Variants in KBTBD11 observed in about 807,000 individuals in gnomAD.
The protein encoded by KBTBD11 is kelch repeat and BTB domain-containing protein 11.
For missense variants in KBTBD11, 1,390 were observed against 1,001.8 expected, an observed-to-expected ratio of 1.39 and a Z score of -5.23; for synonymous variants, 747 against 499.0, an observed-to-expected ratio of 1.50 and a Z score of -6.63.
intron 1 of KBTBD11, chr8:1,974,493 C>T: frequency 1.0e-6 from 1 of 985,086 alleles, no homozygotes; most frequent in Non-Finnish European, 1.2e-6. Context: ...GGGGTCTCTC[C>T]TGGACTCGGG....
rs1426710422 is a variant in KBTBD11, at chr8:2,001,273, C to G, written c.81C>G (p.Ala27=). ...GAAGESESEG[A]ASPAQTPCSL... ...CCGGGGAGAGCGAGAGCGAGGGCGC[C>G]GCGTCCCCGGCGCAGACACCCTGCA... Residue 27 remains alanine, a synonymous_variant, in exon 2 of 2, where the codon GCC becomes GCG. Coordinates refer to ENST00000320248, the MANE Select transcript of KBTBD11 (RefSeq NM_014867.3). The G allele has an allele frequency of 6.6e-7, 1 of 1,517,552 alleles. No individual in the cohort carries two copies. The highest frequency in any genetic ancestry group is 2.6e-5 in the East Asian group (1 of 37,980). 94.0% of individuals were successfully genotyped at this position (1,517,552 alleles called of 1,614,324 possible). A position where few individuals can be genotyped will look rare whatever the true frequency, so the allele number is the denominator to read the frequency against.
At position 1,999,329 on chromosome 8, in the gene KBTBD11, G is replaced by A. The variant is rs145570283; in HGVS notation, c.-908-956G>A. On this transcript the variant is annotated intron_variant, in intron 1 of 1. Transcript: ENST00000320248. Reference sequence around the variant, plus strand: ...AAGTAGAACTTTAGAAGATGCTGGGGGTTAAGTATCATTTTACCCATCTCA... The same window carrying A: ...AAGTAGAACTTTAGAAGATGCTGGGAGTTAAGTATCATTTTACCCATCTCA... Among the ~76,000 whole-genome samples, 27 of 152,268 alleles carry A rather than the reference G, an allele frequency of 1.8e-4. No individual in the cohort carries two copies. In the East Asian group the frequency reaches 3.1e-3, roughly 17 times the overall value.
chr8:2,000,115 G>GC (rs1817284152), intron 1 of KBTBD11, among the ~76,000 whole-genome samples, 170 bp from the exon 2 acceptor site: 1 of 152,050 alleles, frequency 6.6e-6, no homozygotes, highest in African/African-American at 2.4e-5. Context: ...AAATAATTCT[G>GC]CATGTCCTAT....
Position 2,004,375 on chromosome 8 carries a change from A to G in KBTBD11, c.*1311A>G, listed in dbSNP as rs1817509049. The G allele has an allele frequency of 6.0e-6, 1 of 166,874 alleles. No individual in the cohort carries two copies. The highest frequency in any genetic ancestry group is 1.5e-5 in the Non-Finnish European group (1 of 68,122). 10.3% of individuals were successfully genotyped at this position (166,874 alleles called of 1,614,324 possible). On this transcript the variant is annotated 3_prime_UTR_variant, in exon 2 of 2. Transcript: ENST00000320248. ...TTTGAGGATGAGATCCATGCTCACA[A>G]ATAGAGGCGAACATTTGAACTCCGA...
chr8:1,998,303 G>A (rs575036217), intron 1 of KBTBD11, among the ~76,000 whole-genome samples: 2 of 152,316 alleles, frequency 1.3e-5, no homozygotes, highest in South Asian at 2.1e-4. Context: ...CTCGCTGTTG[G>A]GGGCACTGTG....
At position 1,973,831 on chromosome 8, in the gene KBTBD11, G is replaced by C. The variant is rs1816206401; in HGVS notation, c.-1013G>C. The stretch of plus-strand genomic sequence containing the variant: ...GCTCGCAGGTGCTCGGAGAGGCCGG[G>C]CCGCGGCTCCCACAGGTGCCGGGAA... On this transcript the variant is annotated 5_prime_UTR_variant, in exon 1 of 2. Transcript: ENST00000320248. 2.0e-6 allele frequency: 2 copies of C among 983,168 alleles called. No homozygotes were observed. The highest frequency in any genetic ancestry group is 2.4e-6 in the Non-Finnish European group (2 of 829,146). The allele number at this position is 983,168 out of a possible 1,614,324, so 60.9% of individuals were successfully genotyped here.
rs1412123549 is a variant in KBTBD11, at chr8:2,002,375, G to C, written c.1183G>C (p.Val395Leu). 2.0e-6 allele frequency: 3 copies of C among 1,471,600 alleles called. No homozygotes were observed. The highest frequency in any genetic ancestry group is 2.5e-5 in the South Asian group (2 of 79,062). 91.2% of individuals were successfully genotyped at this position (1,471,600 alleles called of 1,614,324 possible). A position where few individuals can be genotyped will look rare whatever the true frequency, so the allele number is the denominator to read the frequency against. ...YNPATDSWSA[V>L]RPLRQARSQL... ...CCCGGCCACGGACAGCTGGAGCGCC[G>C]TGAGGCCCCTGCGCCAGGCGCGCTC... is the stretch of plus-strand genomic sequence containing the variant. The change falls in exon 2 of 2, where the codon GTG (valine) becomes CTG (leucine). Residue 395 changes from valine to leucine, a missense_variant. Transcript: ENST00000320248. The surrounding 1 kb of genome is among the most constrained non-coding windows in gnomAD (Gnocchi z 4.1).
At chr8:1,993,398 C>T (rs1165524049) in intron 1 of KBTBD11, among the ~76,000 whole-genome samples, 7 of 88,318 alleles carry the variant, frequency 7.9e-5, no homozygotes, top group South Asian at 1.2e-3. Flanking sequence ...TCCGTCCATC[C>T]ATCCATCCAT....
rs1165431763 is a variant in KBTBD11 at position 1,993,363 on chromosome 8, A to ATCCG, written c.-908-6894_-908-6891dup. Among the ~76,000 whole-genome samples, 107 of 143,182 alleles carry ATCCG rather than the reference A, an allele frequency of 7.5e-4. 1 individual carries two copies. The highest frequency in any genetic ancestry group is 1.0e-3 in the East Asian group (5 of 4,976). 93.9% of individuals were successfully genotyped at this position (143,182 alleles called of 152,430 possible). On this transcript the variant is annotated intron_variant, in intron 1 of 1. Coordinates refer to ENST00000320248, the MANE Select transcript of KBTBD11 (RefSeq NM_014867.3). ...CATCTTTCTGTCCATCCATCGGTCC[A>ATCCG]TCCGTCCGTCCGTCCGTCCGTCCGT...
intron 1 of KBTBD11, among the ~76,000 whole-genome samples, chr8:1,987,048 A>C (rs1816728823): frequency 1.4e-5 from 2 of 147,970 alleles, no homozygotes; most frequent in Admixed American, 1.3e-4. Context: ...GCACACACAC[A>C]CACAAAGAAG....
In KBTBD11 at chr8:1,979,395, C is replaced by T. The variant is rs1288800437; in HGVS notation, c.-909+5460C>T. Among the ~76,000 whole-genome samples, 4 of 152,278 alleles carry T rather than the reference C, an allele frequency of 2.6e-5. No individual in the cohort carries two copies. In the South Asian group the frequency reaches 6.2e-4, roughly 24 times the overall value. ...CTGTAATCCCAGCACTTTGGGAGGC[C>T]GAGGTAGGCAGATCACTTGAGGTCA... On this transcript the variant is annotated intron_variant, in intron 1 of 1. Coordinates refer to ENST00000320248, the MANE Select transcript of KBTBD11 (RefSeq NM_014867.3).
At chr8:1,974,243 G>A (rs1343017417) in intron 1 of KBTBD11, 19 of 951,466 alleles carry the variant, frequency 2.0e-5, no homozygotes, top group African/African-American at 1.8e-5. Flanking sequence ...GGGCGTGGGG[G>A]CCTCCTCGCG....
intron 1 of KBTBD11, among the ~76,000 whole-genome samples, chr8:1,979,174 G>A (rs1563362031): frequency 6.6e-6 from 1 of 152,198 alleles, no homozygotes; most frequent in Non-Finnish European, 1.5e-5. Context: ...AGGGCAGGCC[G>A]GCAGGCTGGA....
At chr8:1,983,818 A>C (rs1373881754) in intron 1 of KBTBD11, among the ~76,000 whole-genome samples, 1 of 152,266 alleles carries the variant, frequency 6.6e-6, no homozygotes. Flanking sequence ...ATTGAAGTCT[A>C]ACATACAAAC....
intron 1 of KBTBD11, chr8:1,974,463 TCGGCTGTC>T: frequency 1.0e-6 from 1 of 972,776 alleles, no homozygotes; most frequent in Non-Finnish European, 1.2e-6. Context: ...GTCGCGGGGA[TCGGCTGTC>T]CGGAGCGAAC....
Position 2,001,491 on chromosome 8 carries a change from C to G in KBTBD11, c.299C>G (p.Pro100Arg). 7.2e-7 allele frequency: 1 copy of G among 1,384,668 alleles called. No homozygotes were observed. Among genetic ancestry groups the G allele is most frequent in the African/African-American group, 1.5e-5 (1 of 65,710 alleles). The allele number at this position is 1,384,668 out of a possible 1,614,324, so 85.8% of individuals were successfully genotyped here. The change falls in exon 2 of 2, where the codon CCG becomes CGG. Residue 100 changes from proline to arginine, a missense_variant. Pro to Arg is a moderately radical substitution (Grantham distance 103). Coordinates refer to ENST00000320248, the MANE Select transcript of KBTBD11 (RefSeq NM_014867.3). ...GCGTCCCCTGAGGAGCGCGCGTGCC[C>G]GGAAGAGCCCGCGGCGCCGTCCCCC... The part of the protein sequence containing the change: ...ELASPEERAC[P>R]EEPAAPSPEP...
intron 1 of KBTBD11, among the ~76,000 whole-genome samples, chr8:1,989,392 G>A (rs1393090442): frequency 6.6e-6 from 1 of 152,152 alleles, no homozygotes; most frequent in Non-Finnish European, 1.5e-5. Flanking sequence ...TAACTAGAGC[G>A]AGGACAGGCG....
At chr8:1,992,476 G>C (rs1436823430) in intron 1 of KBTBD11, among the ~76,000 whole-genome samples, 1 of 151,950 alleles carries the variant, frequency 6.6e-6, no homozygotes, top group African/African-American at 2.4e-5. Flanking sequence ...GGGGTGGGGT[G>C]GGAAACACTG....
intron 1 of KBTBD11, among the ~76,000 whole-genome samples, chr8:1,982,536 C>T (rs1013035736): frequency 6.6e-6 from 1 of 152,092 alleles, no homozygotes; most frequent in African/African-American, 2.4e-5. Flanking sequence ...TGAGGAAACA[C>T]AGGTTGAGAG....
Sources: gnomAD v4.1 joint callset for allele counts (sites outside exome capture counted in the v4.1 genomes callset) on GRCh38, gnomAD v4.1.1 for gene constraint, Gnocchi (gnomAD v3.1) non-coding constraint, MANE v1.5 for transcripts, NCBI Gene and HGNC (gene_info 2026-07-23, HGNC 2026-07-21) for gene names.